The following ATXN1 variants were observed in gnomAD, a reference collection of about 807,000 sequenced individuals.
ATXN1 encodes ataxin 1.
Under a neutral mutation model 56.4 loss-of-function variants are expected in ATXN1, and 8 were observed. That is an observed-to-expected ratio of 0.14 (90% confidence interval 0.08 to 0.26). The LOEUF is 0.26. Ranked by LOEUF, ATXN1 falls within the 10% of genes least tolerant of loss-of-function variation. The pLI is 1.00. For synonymous variants in ATXN1, 514 were observed against 494.6 expected (o/e 1.04, Z -0.52); for missense variants, 987 against 1,106.5 (o/e 0.89, Z 1.53).
chr6:16,613,004 G>A (rs1313563258), intron 3 of ATXN1, among the ~76,000 whole-genome samples: 1 of 151,088 alleles, frequency 6.6e-6, no homozygotes, highest in Non-Finnish European at 1.5e-5. Context: ...GGTGGCTCAC[G>A]CCTGTAATCC....
chr6:16,384,540 A>G (rs774567910), intron 6 of ATXN1, among the ~76,000 whole-genome samples: 2 of 152,224 alleles, frequency 1.3e-5, no homozygotes, highest in African/African-American at 2.4e-5. Flanking sequence ...CTCCATTGAT[A>G]TGGTTGGCAT....
At chr6:16,476,432 C>T (rs1387764738) in intron 6 of ATXN1, among the ~76,000 whole-genome samples, 2 of 151,746 alleles carry the variant, frequency 1.3e-5, no homozygotes, top group African/African-American at 4.8e-5. Flanking sequence ...ATTTCTTATT[C>T]ATATGAGAGA....
intron 6 of ATXN1, among the ~76,000 whole-genome samples, chr6:16,420,799 G>A (rs1207680216): frequency 6.6e-6 from 1 of 151,900 alleles, no homozygotes; most frequent in Non-Finnish European, 1.5e-5. Context: ...TCATAACCGG[G>A]GCCTATAAAA....
chr6:16,552,784 G>T (rs780367768), intron 4 of ATXN1, among the ~76,000 whole-genome samples: 5 of 152,168 alleles, frequency 3.3e-5, no homozygotes, highest in African/African-American at 1.2e-4. Flanking sequence ...CTGTTTACCT[G>T]CTGGTCCATG....
chr6:16,459,125 A>G (rs1386891052), intron 6 of ATXN1, among the ~76,000 whole-genome samples: 1 of 152,192 alleles, frequency 6.6e-6, no homozygotes, highest in Non-Finnish European at 1.5e-5. Flanking sequence ...TGCTTTTCTT[A>G]TGCCTGAAAG....
At chr6:16,552,293 G>C (rs1430604485) in intron 4 of ATXN1, among the ~76,000 whole-genome samples, 1 of 152,210 alleles carries the variant, frequency 6.6e-6, no homozygotes, top group African/African-American at 2.4e-5. Flanking sequence ...TAATGAGCAA[G>C]TCATCCCTAA....
At chr6:16,660,688 A>C (rs576027192) in intron 2 of ATXN1, among the ~76,000 whole-genome samples, 93 of 152,316 alleles carry the variant, frequency 6.1e-4, no homozygotes, top group African/African-American at 2.1e-3. Flanking sequence ...CATAACAAAC[A>C]CAACTATCTT....
intron 6 of ATXN1, among the ~76,000 whole-genome samples, chr6:16,400,773 T>C (rs1419853669): frequency 6.6e-6 from 1 of 152,186 alleles, no homozygotes; most frequent in Non-Finnish European, 1.5e-5. Flanking sequence ...GAGAAGTATT[T>C]TGGCACTAGA....
At chr6:16,384,714 T>G (rs1581727349) in intron 6 of ATXN1, among the ~76,000 whole-genome samples, 1 of 152,220 alleles carries the variant, frequency 6.6e-6, no homozygotes, top group South Asian at 2.1e-4. Context: ...GCACCTCCCC[T>G]TTCCCTTCCT....
chr6:16,509,117 G>A (rs940920317), intron 5 of ATXN1, among the ~76,000 whole-genome samples: 1 of 151,944 alleles, frequency 6.6e-6, no homozygotes, highest in Non-Finnish European at 1.5e-5. Flanking sequence ...AGGGGGAAGG[G>A]GGAATTTATT....
chr6:16,761,333 A>T lies in ATXN1; in HGVS notation c.-765T>A, dbSNP rs1395940117. On this transcript the variant is annotated 5_prime_UTR_variant, in exon 1 of 8. Transcript: ENST00000436367. The stretch of plus-strand genomic sequence containing the variant: ...AAATGGATCTGGGGTTGCGTGGGGA[A>T]GGGGGGGCAGAGGGAGAGAAACAAT... 1.3e-5 allele frequency: 6 copies of T among 445,084 alleles called. No homozygotes were observed. The highest frequency in any genetic ancestry group is 7.8e-5 in the South Asian group (5 of 63,884). The allele number at this position is 445,084 out of a possible 1,614,324, so 27.6% of individuals were successfully genotyped here. A position where few individuals can be genotyped will look rare whatever the true frequency, so the allele number is the denominator to read the frequency against.
Position 16,303,325 on chromosome 6 carries a change from T to C in ATXN1, c.*3004A>G, listed in dbSNP as rs1012214212. ...TCCCCCGGGTCTCCTTGGCTGGCTC[T>C]TTCTGCAACGTGGCGGCAGACGCAC... On this transcript the variant is annotated 3_prime_UTR_variant, in exon 8 of 8. Coordinates refer to ENST00000436367, the MANE Select transcript of ATXN1 (RefSeq NM_001128164.2). This position sits in a 1 kb window ranked among gnomAD's most constrained non-coding sequence, Gnocchi z 4.3. 2 of 152,376 alleles carry C rather than the reference T, an allele frequency of 1.3e-5. No individual in the cohort carries two copies. Among genetic ancestry groups the C allele is most frequent in the African/African-American group, 2.4e-5 (1 of 41,464 alleles). 9.4% of individuals were successfully genotyped at this position (152,376 alleles called of 1,614,324 possible). A position where few individuals can be genotyped will look rare whatever the true frequency, so the allele number is the denominator to read the frequency against.
chr6:16,543,652 A>AAAAAG (rs535769427), intron 4 of ATXN1, among the ~76,000 whole-genome samples: 43 of 143,632 alleles, frequency 3.0e-4, no homozygotes, highest in South Asian at 8.9e-4. Context: ...AAAAAAAAAA[A>AAAAAG]AGAGAGAGAG....
chr6:16,333,910 G>T (rs1463196561), intron 6 of ATXN1, among the ~76,000 whole-genome samples: 1 of 152,178 alleles, frequency 6.6e-6, no homozygotes, highest in Non-Finnish European at 1.5e-5. Flanking sequence ...CATGCTTGGA[G>T]TATCTAGAAT....
intron 6 of ATXN1, among the ~76,000 whole-genome samples, chr6:16,405,521 A>G (rs445677): frequency 0.87 from 132,191 of 152,078 alleles, 57,880 homozygotes; most frequent in East Asian, 1. Flanking sequence ...GCTGGGAGCA[A>G]AGAGAAAACA....
At chr6:16,368,894 T>C (rs1048644773) in intron 6 of ATXN1, among the ~76,000 whole-genome samples, 6 of 152,238 alleles carry the variant, frequency 3.9e-5, no homozygotes, top group African/African-American at 1.4e-4. Flanking sequence ...GTATCTGGAA[T>C]GTTGAAAGGT....
At chr6:16,523,209 A>AT (rs1275869830) in intron 4 of ATXN1, among the ~76,000 whole-genome samples, 1 of 151,804 alleles carries the variant, frequency 6.6e-6, no homozygotes, top group Non-Finnish European at 1.5e-5. Flanking sequence ...GCCGTGTTTT[A>AT]TTTTTTTGAG....
At chr6:16,316,465 G>A (rs1265052057) in intron 7 of ATXN1, among the ~76,000 whole-genome samples, 1 of 152,148 alleles carries the variant, frequency 6.6e-6, no homozygotes, top group Non-Finnish European at 1.5e-5. Context: ...TGAAAGAAGA[G>A]GCCGGGCATG....
intron 3 of ATXN1, among the ~76,000 whole-genome samples, chr6:16,625,277 C>A (rs1763388446): frequency 6.6e-6 from 1 of 152,150 alleles, no homozygotes; most frequent in South Asian, 2.1e-4. Flanking sequence ...TGGCCATAGG[C>A]CCACTAGGGA....
Sources: allele counts gnomAD v4.1 joint callset (sites outside exome capture counted in the v4.1 genomes callset), GRCh38; gene constraint gnomAD v4.1.1; non-coding constraint Gnocchi (gnomAD v3.1); transcripts MANE v1.5; gene names NCBI Gene and HGNC (gene_info 2026-07-23, HGNC 2026-07-21).